Variants in CES5A observed in about 807,000 individuals in gnomAD.
CES5A encodes carboxylesterase 5A.
CES5A carries 67 observed loss-of-function variants against 62.9 expected under a neutral mutation model. The observed-to-expected ratio is 1.07, with a 90% CI of 0.88 to 1.31. The LOEUF (loss-of-function observed/expected upper bound fraction) is 1.31. Among genes scored for constraint, CES5A ranks in the 50% most tolerant of loss-of-function variants. CES5A has a pLI of 0.00. For missense variants in CES5A, 748 were observed against 708.5 expected (o/e 1.06, Z -0.63); for synonymous variants, 296 against 280.8 (o/e 1.05, Z -0.54).
At chr16:55,855,253 G>A (rs2033217243) in intron 9 of CES5A, among the ~76,000 whole-genome samples, 1 of 152,212 alleles carries the variant, frequency 6.6e-6, no homozygotes, top group Non-Finnish European at 1.5e-5. Flanking sequence ...ATGGACAAGT[G>A]AACAAAATGA....
intron 9 of CES5A, among the ~76,000 whole-genome samples, chr16:55,853,938 T>C (rs564413328): frequency 4.5e-4 from 69 of 152,246 alleles, no homozygotes; most frequent in African/African-American, 1.5e-3. Context: ...GTACACCACA[T>C]TGGGGAATGC....
rs371254102 is a variant in CES5A at position 55,849,749 on chromosome 16, T to C, written c.1298A>G (p.Tyr433Cys). ...GCACTGAGGCCGGTGCCGAAACTCA[T>C]AGAAGTAGACAGGTGCACCAGCATC... The part of the protein sequence containing the change: ...HRDAGAPVYF[Y>C]EFRHRPQCFE... The change falls in exon 11 of 13, where the codon TAT becomes TGT. Residue 433 changes from tyrosine to cysteine, a missense_variant. Tyr to Cys is a radical substitution (Grantham distance 194). Transcript: ENST00000290567. The C allele has an allele frequency of 4.0e-5, 64 of 1,613,756 alleles. No individual in the cohort carries two copies. The highest frequency in any genetic ancestry group is 2.3e-4 in the African/African-American group (17 of 74,896).
At position 55,890,068 on chromosome 16, in the gene CES5A, C is replaced by T. The variant is rs150306899; in HGVS notation, c.-255-16031G>A. ...CACTCACTAAAAGAAATTTTGAATG[C>T]CCTTGATAATAGCATAAGCTGAGTC... On this transcript the variant is annotated intron_variant, in intron 1 of 12. Coordinates refer to the CES5A transcript ENST00000518005. Among the ~76,000 whole-genome samples, 422 of 152,160 alleles carry T rather than the reference C, an allele frequency of 2.8e-3. 2 individuals carry two copies. The highest frequency in any genetic ancestry group is 0.01 in the Middle Eastern group (3 of 294).
chr16:55,870,060 C>A (rs779816914), intron 3 of CES5A, among the ~76,000 whole-genome samples: 8 of 152,152 alleles, frequency 5.3e-5, no homozygotes, highest in Non-Finnish European at 1.0e-4. Context: ...GAGGTTTAAA[C>A]AAAATTCTGC....
chr16:55,950,505 A>G (rs182962002), intron 1 of CES5A, among the ~76,000 whole-genome samples: 220 of 152,346 alleles, frequency 1.4e-3, no homozygotes, highest in Middle Eastern at 6.8e-3. Context: ...CAGAATAGAT[A>G]AAAACTAAGA....
chr16:55,926,836 C>G (rs150374710), upstream of CES5A, among the ~76,000 whole-genome samples: 1 of 152,136 alleles, frequency 6.6e-6, no homozygotes, highest in East Asian at 1.9e-4. Context: ...TTGCTAAGAC[C>G]TTTGCTCTTG....
chr16:55,874,069 G>T, intron 1 of CES5A, 32 bp from the exon 2 acceptor site: 1 of 1,561,528 alleles, frequency 6.4e-7, no homozygotes, highest in Non-Finnish European at 8.7e-7. Flanking sequence ...ATCAGGAGCA[G>T]GCTGGGGACA....
intron 1 of CES5A, among the ~76,000 whole-genome samples, chr16:55,923,070 C>T (rs2034224568): frequency 6.6e-6 from 1 of 151,130 alleles, no homozygotes; most frequent in African/African-American, 2.4e-5. Context: ...GCAGTAAACA[C>T]TTATATTTAA....
At chr16:55,891,342 A>G (rs1200563633) in intron 1 of CES5A, among the ~76,000 whole-genome samples, 2 of 152,236 alleles carry the variant, frequency 1.3e-5, no homozygotes, top group Non-Finnish European at 2.9e-5. Context: ...AGAAGAAATA[A>G]GAAAGAAAAT....
intron 2 of CES5A, among the ~76,000 whole-genome samples, chr16:55,933,711 A>G (rs1213214941): frequency 6.6e-6 from 1 of 152,052 alleles, no homozygotes; most frequent in Non-Finnish European, 1.5e-5. Flanking sequence ...CACTTATTTT[A>G]CCTCCACTGC....
intron 2 of CES5A, among the ~76,000 whole-genome samples, chr16:55,940,517 A>T (rs1214889861): frequency 6.6e-6 from 1 of 152,040 alleles, no homozygotes; most frequent in African/African-American, 2.4e-5. Flanking sequence ...TACTTATTTT[A>T]AAAATTGAAT....
chr16:55,920,994 C>A (rs1567355076), intron 1 of CES5A, among the ~76,000 whole-genome samples: 1 of 152,104 alleles, frequency 6.6e-6, no homozygotes, highest in Non-Finnish European at 1.5e-5. Context: ...TCATTAGAAG[C>A]TCTTCTCAAC....
At chr16:55,950,716 AC>A (rs1396736378) in intron 1 of CES5A, among the ~76,000 whole-genome samples, 1 of 152,090 alleles carries the variant, frequency 6.6e-6, no homozygotes, top group Non-Finnish European at 1.5e-5. Flanking sequence ...AGAAAAAAAA[AC>A]CCAAAAAACG....
intron 1 of CES5A, among the ~76,000 whole-genome samples, chr16:55,913,493 G>A (rs1390840618): frequency 2.6e-5 from 4 of 152,172 alleles, no homozygotes; most frequent in African/African-American, 9.7e-5. Flanking sequence ...AAAGCAGACT[G>A]GTCCCCAGGA....
At chr16:55,949,070 T>C (rs1205221470) in intron 2 of CES5A, among the ~76,000 whole-genome samples, 1 of 152,214 alleles carries the variant, frequency 6.6e-6, no homozygotes, top group Non-Finnish European at 1.5e-5. Context: ...TAGCCAAATA[T>C]AGCCACAATA....
chr16:55,870,078 G>A (rs1228021639), intron 3 of CES5A, among the ~76,000 whole-genome samples: 1 of 152,216 alleles, frequency 6.6e-6, no homozygotes, highest in Non-Finnish European at 1.5e-5. Flanking sequence ...TGCATCTAAA[G>A]CTCATAGAAC....
intron 5 of CES5A, among the ~76,000 whole-genome samples, 176 bp downstream of exon 5, chr16:55,865,787 T>C (rs2033444237): frequency 6.6e-6 from 1 of 152,210 alleles, no homozygotes. Flanking sequence ...ACAGCTGTCC[T>C]GTATGTGAAA....
intron 2 of CES5A, among the ~76,000 whole-genome samples, chr16:55,937,653 C>T (rs549798549): frequency 2.2e-4 from 33 of 152,350 alleles, no homozygotes; most frequent in Non-Finnish European, 4.3e-4. Context: ...CAAAGAGGCA[C>T]TTCTGGAAAT....
At chr16:55,938,781 TATATATATATATATATACACAC>T (rs1415053611) in intron 2 of CES5A, among the ~76,000 whole-genome samples, 3 of 93,160 alleles carry the variant, frequency 3.2e-5, no homozygotes, top group Non-Finnish European at 5.7e-5. Context: ...TATATATATA[TATATATATATATATATACACAC>T]ATATATATAT....
Sources: gnomAD v4.1 joint callset for allele counts (sites outside exome capture counted in the v4.1 genomes callset) on GRCh38, gnomAD v4.1.1 for gene constraint, MANE v1.5 for transcripts, NCBI Gene and HGNC (gene_info 2026-07-23, HGNC 2026-07-21) for gene names.